Variants in PSME4 observed in about 807,000 individuals in gnomAD.
The protein encoded by PSME4 is proteasome activator subunit 4.
Under a neutral mutation model 253.9 loss-of-function variants are expected in PSME4, and 89 were observed. The observed-to-expected ratio is 0.35, with a 90% CI of 0.30 to 0.42. The LOEUF is 0.42. Among genes scored for constraint, PSME4 ranks in the 10% least tolerant of loss-of-function variants. The pLI is 1.00. For synonymous variants in PSME4, 851 were observed against 759.2 expected (o/e 1.12, Z -1.99); for missense variants, 2,014 against 2,195.2 (o/e 0.92, Z 1.65).
intron 12 of PSME4, among the ~76,000 whole-genome samples, chr2:53,926,972 C>CAAAA (rs1215411502): frequency 7.2e-6 from 1 of 139,846 alleles, no homozygotes; most frequent in Non-Finnish European, 1.5e-5. Flanking sequence ...GACTCCATCT[C>CAAAA]AAAAAAAAAA....
rs756846321 is a variant in PSME4 at position 53,908,290 on chromosome 2, T to G, written c.2784+30A>C. On this transcript the variant is annotated intron_variant, in intron 24 of 46. Coordinates refer to ENST00000404125, the MANE Select transcript of PSME4 (RefSeq NM_014614.3). ...GGTTATTATACGACTTTAAAACAAT[T>G]AGTGCAGACTTTTAGGTGAAAATAC... 2.6e-6 allele frequency: 4 copies of G among 1,537,286 alleles called. No homozygotes were observed. The African/African-American group carries it at 4.1e-5, about 16-fold the overall frequency.
At chr2:53,868,515 T>TA (rs1678696630) in intron 44 of PSME4, among the ~76,000 whole-genome samples, 1 of 59,490 alleles carries the variant, frequency 1.7e-5, no homozygotes, top group Non-Finnish European at 3.6e-5. Context: ...TTATAAAATA[T>TA]ATTTATAATA....
chr2:53,959,923 G>A (rs894202431), intron 1 of PSME4, among the ~76,000 whole-genome samples: 2 of 152,144 alleles, frequency 1.3e-5, no homozygotes, highest in Non-Finnish European at 2.9e-5. Context: ...CCTGGAAGAC[G>A]AAACATGTAA....
chr2:53,930,142 C>CTAT (rs1668758650), intron 10 of PSME4, among the ~76,000 whole-genome samples: 1 of 152,050 alleles, frequency 6.6e-6, no homozygotes, highest in Admixed American at 6.6e-5. Flanking sequence ...TCAATTTGGT[C>CTAT]TATTAAATAT....
chr2:53,889,980 A>G, intron 37 of PSME4, 124 bp downstream of exon 37: 1 of 758,334 alleles, frequency 1.3e-6, no homozygotes, highest in Admixed American at 2.6e-5. Context: ...TAAAAAATAA[A>G]AACAATTAAA....
intron 10 of PSME4, among the ~76,000 whole-genome samples, chr2:53,930,007 G>A (rs1573314357): frequency 6.6e-6 from 1 of 151,810 alleles, no homozygotes; most frequent in Non-Finnish European, 1.5e-5. Flanking sequence ...AACAGAGCAA[G>A]AGTCTGTCTC....
rs771207007 is a variant in PSME4 at position 53,908,521 on chromosome 2, G to C, written c.2674C>G (p.Leu892Val). ...AATGACAAATGTACCTTTATAATAAGAAACAATGACTTAGTATCATCTTCT... is the reference window on the plus strand; with the variant it reads ...AATGACAAATGTACCTTTATAATAACAAACAATGACTTAGTATCATCTTCT... ...NSEDDTKSLF[L>V]IIKIIGDLLQ... is the part of the protein sequence containing the mutation. The change falls in exon 23 of 47, where the codon CTT becomes GTT. Residue 892 changes from leucine (L) to valine (V), a missense_variant. Around this residue, in one of 4 missense-constraint regions of PSME4, gnomAD observed 989 missense variants for 1,021.1 expected, o/e 0.97. Transcript: ENST00000404125. 4 of 1,609,586 alleles carry C rather than the reference G, an allele frequency of 2.5e-6. No homozygotes were observed. The Admixed American group carries it at 5.0e-5, about 20-fold the overall frequency.
At chr2:53,940,974 TA>T (rs1434191150) in intron 3 of PSME4, among the ~76,000 whole-genome samples, 1 of 62,642 alleles carries the variant, frequency 1.6e-5, no homozygotes, top group African/African-American at 4.6e-5. Context: ...TATATATATA[TA>T]TATATATATA....
intron 1 of PSME4, among the ~76,000 whole-genome samples, chr2:53,949,556 C>T (rs1669880398): frequency 1.3e-5 from 2 of 151,384 alleles, no homozygotes; most frequent in African/African-American, 2.4e-5. Context: ...TCAGCTAGAA[C>T]CAGTGATGAG....
chr2:53,877,325 A>G (rs1303694778), intron 41 of PSME4, among the ~76,000 whole-genome samples: 1 of 151,228 alleles, frequency 6.6e-6, no homozygotes, highest in African/African-American at 2.4e-5. Flanking sequence ...AGGTGGGAAG[A>G]TTGCTTGAGC....
chr2:53,946,622 G>C (rs1416561672), intron 3 of PSME4, among the ~76,000 whole-genome samples: 1 of 152,260 alleles, frequency 6.6e-6, no homozygotes, highest in Non-Finnish European at 1.5e-5. Flanking sequence ...GGGGCCAGGT[G>C]TAGTGGCCCA....
chr2:53,935,185 G>T (rs1669044848), intron 7 of PSME4, among the ~76,000 whole-genome samples: 1 of 152,108 alleles, frequency 6.6e-6, no homozygotes, highest in Non-Finnish European at 1.5e-5. Context: ...TTTTAATGGT[G>T]ATTTGATTTT....
In PSME4 at chr2:53,864,344, T is replaced by C. The variant is rs143038012; in HGVS notation, c.*1234A>G. 1,955 of 152,530 alleles carry C rather than the reference T, an allele frequency of 0.013. 23 individuals carry two copies. The highest frequency in any genetic ancestry group is 0.019 in the Non-Finnish European group (1,264 of 67,998). The allele number at this position is 152,530 out of a possible 1,614,324, so 9.4% of individuals were successfully genotyped here. ...AGAAGATACCTTTCACTCTATAAAC[T>C]TGTCATAGGCAAACATGTGGTGTTA... On this transcript the variant is annotated 3_prime_UTR_variant, in exon 47 of 47. Transcript: ENST00000404125.
intron 32 of PSME4, among the ~76,000 whole-genome samples, chr2:53,896,527 TA>T (rs1478593277): frequency 6.6e-6 from 1 of 152,160 alleles, no homozygotes; most frequent in African/African-American, 2.4e-5. Flanking sequence ...AACAAATTAA[TA>T]ACAGCAATTT....
chr2:53,968,233 C>A (rs1670839248), intron 1 of PSME4, among the ~76,000 whole-genome samples: 1 of 150,868 alleles, frequency 6.6e-6, no homozygotes, highest in Non-Finnish European at 1.5e-5. Flanking sequence ...CAAGATCCTG[C>A]CACTGCACTC....
chr2:53,888,633 T>C (rs2104424269), intron 38 of PSME4, 88 bp downstream of exon 38: 1 of 874,422 alleles, frequency 1.1e-6, no homozygotes, highest in East Asian at 2.4e-5. Flanking sequence ...ATCTAGACTT[T>C]ACAAGTATAG....
At chr2:53,945,696 T>C (rs999396979) in intron 3 of PSME4, among the ~76,000 whole-genome samples, 1 of 152,204 alleles carries the variant, frequency 6.6e-6, no homozygotes, top group African/African-American at 2.4e-5. Context: ...GGCACATGAG[T>C]TTAAAATTTG....
intron 17 of PSME4, among the ~76,000 whole-genome samples, chr2:53,921,733 T>C (rs1362025607): frequency 2.2e-5 from 3 of 136,268 alleles, no homozygotes; most frequent in Non-Finnish European, 4.8e-5. Context: ...CCGGGCGTAG[T>C]GGCGGGCGCC....
At chr2:53,868,209 T>C (rs1016750648) in intron 44 of PSME4, among the ~76,000 whole-genome samples, 11 of 150,944 alleles carry the variant, frequency 7.3e-5, no homozygotes, top group African/African-American at 2.4e-4. Flanking sequence ...GTAATCCCAG[T>C]ATTCTAGAAG....
Sources: gnomAD v4.1 joint callset for allele counts (sites outside exome capture counted in the v4.1 genomes callset) on GRCh38, gnomAD v4.1.1 for gene constraint, gnomAD v4.1.1 regional missense constraint, MANE v1.5 for transcripts, NCBI Gene and HGNC (gene_info 2026-07-23, HGNC 2026-07-21) for gene names.